The following LDLRAD4 variants were observed in gnomAD, a reference collection of about 807,000 sequenced individuals.
LDLRAD4 encodes low density lipoprotein receptor class A domain containing 4.
Under a neutral mutation model 17.0 loss-of-function variants are expected in LDLRAD4, and 5 were observed. That is an observed-to-expected ratio of 0.29 (90% CI 0.15 to 0.62). The LOEUF (loss-of-function observed/expected upper bound fraction) is 0.62, where lower values mean the gene tolerates loss of function less well. Ranked by LOEUF, LDLRAD4 falls within the 20% of genes least tolerant of loss-of-function variation. LDLRAD4 has a pLI of 0.84. For synonymous variants in LDLRAD4, 168 were observed against 171.8 expected (o/e 0.98, Z 0.17); for missense variants, 340 against 424.7 (o/e 0.80, Z 1.75).
In LDLRAD4 at chr18:13,223,647, G is replaced by A. The variant is rs141036528; in HGVS notation, c.-467+4659G>A. On this transcript the variant is annotated intron_variant, in intron 1 of 5. Coordinates refer to the LDLRAD4 transcript ENST00000399848. ...GCTGTAGGAGGCCAGGCTGCTTTCCGAAGGGCTCCCTGACCTCTAACCAGG... is the reference window on the plus strand; with the variant it reads ...GCTGTAGGAGGCCAGGCTGCTTTCCAAAGGGCTCCCTGACCTCTAACCAGG... Among the ~76,000 whole-genome samples the A allele has an allele frequency of 4.4e-3, 669 of 152,296 alleles. 4 individuals are homozygous for A. The highest frequency in any genetic ancestry group is 0.015 in the African/African-American group (621 of 41,556).
At chr18:13,226,030 A>G (rs1413468526) in intron 1 of LDLRAD4, among the ~76,000 whole-genome samples, 1 of 151,810 alleles carries the variant, frequency 6.6e-6, no homozygotes, top group Non-Finnish European at 1.5e-5. Context: ...TTGATAATTT[A>G]AAAAAATGGA....
chr18:13,224,171 TG>T, intron 1 of LDLRAD4, among the ~76,000 whole-genome samples: 1 of 152,350 alleles, frequency 6.6e-6, no homozygotes, highest in African/African-American at 2.4e-5. Flanking sequence ...CACTGGACCA[TG>T]GCAGCTTTGT....
At chr18:13,276,716 C>G (rs1002167346), upstream of LDLRAD4, among the ~76,000 whole-genome samples, 21 of 152,174 alleles carry the variant, frequency 1.4e-4, no homozygotes, top group Non-Finnish European at 2.8e-4. Flanking sequence ...TCTGTCACTC[C>G]CTCGTTGCGG....
chr18:13,621,282 T>C lies in LDLRAD4; in HGVS notation c.336+11T>C. 2 of 1,606,600 alleles carry C rather than the reference T, an allele frequency of 1.2e-6. No homozygotes were observed. The highest frequency in any genetic ancestry group is 1.7e-6 in the Non-Finnish European group (2 of 1,176,598). Reference sequence around the variant, plus strand: ...GACGGGCTGCCGCAGGTGAGTACCCTGGCCGCCCCGGCTCCAGAGTCAGGC... The same window carrying C: ...GACGGGCTGCCGCAGGTGAGTACCCCGGCCGCCCCGGCTCCAGAGTCAGGC... On this transcript the variant is annotated intron_variant, in intron 4 of 5. Transcript: ENST00000359446. The surrounding 1 kb of genome is among the most constrained non-coding windows in gnomAD (Gnocchi z 5.5).
chr18:13,539,978 G>A (rs1043537946), intron 3 of LDLRAD4, among the ~76,000 whole-genome samples: 6 of 152,188 alleles, frequency 3.9e-5, no homozygotes, highest in South Asian at 2.1e-4. Flanking sequence ...CAGCCCACAG[G>A]CAAAGTCCTG....
chr18:13,509,206 C>T (rs2093740540), intron 3 of LDLRAD4, among the ~76,000 whole-genome samples: 1 of 152,180 alleles, frequency 6.6e-6, no homozygotes, highest in South Asian at 2.1e-4. Context: ...GCCAGCTGCT[C>T]AGGAGGCTGA....
At position 13,475,016 on chromosome 18, in the gene LDLRAD4, C is replaced by G. The variant is rs1309659399; in HGVS notation, c.181+36632C>G. Among the ~76,000 whole-genome samples the G allele has an allele frequency of 2.6e-5, 4 of 152,252 alleles. No individual in the cohort carries two copies. In the East Asian group the frequency reaches 7.7e-4, roughly 29 times the overall value. On this transcript the variant is annotated intron_variant, in intron 3 of 5. Transcript: ENST00000359446. ...AGTTTGGGGCCTGAGGGTGCTTGCC[C>G]TGGGTCTGGGGTGGCTCCTCTTGAT...
Position 13,268,950 on chromosome 18 carries a change from C to T in LDLRAD4, c.-466-9155C>T, listed in dbSNP as rs190260882. 3.5e-3 allele frequency among the ~76,000 whole-genome samples: 537 copies of T among 152,248 alleles called. 15 individuals carry two copies. Among genetic ancestry groups the T allele is most frequent in the Admixed American group, 0.031 (481 of 15,286 alleles). ...GATTTCTTGTCTTCCAACTTTTTACCCTGCATTCTGAATAAATTGGACCAT... is the reference window on the plus strand; with the variant it reads ...GATTTCTTGTCTTCCAACTTTTTACTCTGCATTCTGAATAAATTGGACCAT... On this transcript the variant is annotated intron_variant, in intron 1 of 5. Coordinates refer to the LDLRAD4 transcript ENST00000399848.
Position 13,502,747 on chromosome 18 carries a change from T to A in LDLRAD4, c.181+64363T>A, listed in dbSNP as rs1026020038. ...ACGGGCCACACCCATGGACGTGATC[T>A]GTCTATGAAACAGGTCTTCTCAGTG... On this transcript the variant is annotated intron_variant, in intron 3 of 5. Coordinates refer to ENST00000359446, the Ensembl canonical transcript of LDLRAD4. 4.6e-5 allele frequency among the ~76,000 whole-genome samples: 7 copies of A among 152,206 alleles called. No homozygotes were observed. The South Asian group carries it at 6.2e-4, about 14-fold the overall frequency.
At chr18:13,437,615 C>G (rs1353951005) in intron 2 of LDLRAD4, among the ~76,000 whole-genome samples, 1 of 152,186 alleles carries the variant, frequency 6.6e-6, no homozygotes, top group Admixed American at 6.5e-5. Flanking sequence ...CAGCATGGCC[C>G]TTTAGCAGAA....
Position 13,359,440 on chromosome 18 carries a change from A to G in LDLRAD4, c.-382-27901A>G, listed in dbSNP as rs145371099. Among the ~76,000 whole-genome samples the G allele has an allele frequency of 3.2e-3, 492 of 152,194 alleles. 2 individuals are homozygous for G. The highest frequency in any genetic ancestry group is 5.2e-3 in the Admixed American group (80 of 15,294). On this transcript the variant is annotated intron_variant, in intron 1 of 5. Coordinates refer to ENST00000359446, the Ensembl canonical transcript of LDLRAD4. ...TCAGAAGGTGGTTTCTAACAGCAGGACTTGCCCAACAATGGAATGGGCTGC... is the reference window on the plus strand; with the variant it reads ...TCAGAAGGTGGTTTCTAACAGCAGGGCTTGCCCAACAATGGAATGGGCTGC...
At chr18:13,372,961 T>A (rs2084629782) in intron 1 of LDLRAD4, among the ~76,000 whole-genome samples, 1 of 152,254 alleles carries the variant, frequency 6.6e-6, no homozygotes, top group Non-Finnish European at 1.5e-5. Flanking sequence ...TGCGTCTTCA[T>A]GTAAACTCAA....
Position 13,440,917 on chromosome 18 carries a change from C to G in LDLRAD4, c.181+2533C>G, listed in dbSNP as rs547848036. Among the ~76,000 whole-genome samples the G allele has an allele frequency of 1.1e-4, 16 of 152,280 alleles. No individual in the cohort carries two copies. The highest frequency in any genetic ancestry group is 2.6e-4 in the African/African-American group (11 of 41,570). On this transcript the variant is annotated intron_variant, in intron 3 of 5. Transcript: ENST00000359446. This position sits in a 1 kb window ranked among gnomAD's most constrained non-coding sequence, Gnocchi z 4.4. ...CCTGGATGATTCTCCCTATTCTGTCCCCTGGGGAAGGCTGCCACCTGGCCT... is the reference window on the plus strand; with the variant it reads ...CCTGGATGATTCTCCCTATTCTGTCGCCTGGGGAAGGCTGCCACCTGGCCT...
intron 3 of LDLRAD4, among the ~76,000 whole-genome samples, chr18:13,442,804 G>A (rs948566530): frequency 2.6e-5 from 4 of 152,206 alleles, no homozygotes; most frequent in African/African-American, 4.8e-5. Flanking sequence ...CAAGTGCCAC[G>A]CCCTCCGAAA....
intron 1 of LDLRAD4, among the ~76,000 whole-genome samples, chr18:13,253,628 TG>T (rs890737554): frequency 6.6e-6 from 1 of 151,872 alleles, no homozygotes; most frequent in Admixed American, 6.6e-5. Context: ...GCAAATGAAG[TG>T]GGGGGAGGAA....
At chr18:13,270,768 C>T (rs1423035567) in intron 1 of LDLRAD4, among the ~76,000 whole-genome samples, 4 of 152,106 alleles carry the variant, frequency 2.6e-5, no homozygotes, top group Non-Finnish European at 5.9e-5. Context: ...AGACCACAGC[C>T]AGCACTAAAG....
intron 3 of LDLRAD4, among the ~76,000 whole-genome samples, chr18:13,442,759 C>G (rs1162734179): frequency 6.6e-6 from 1 of 152,190 alleles, no homozygotes; most frequent in Non-Finnish European, 1.5e-5. Context: ...CTTCGACCGT[C>G]CAGAAGCGAT....
intron 1 of LDLRAD4, among the ~76,000 whole-genome samples, chr18:13,368,806 A>G (rs893305540): frequency 4.6e-5 from 7 of 152,194 alleles, no homozygotes; most frequent in South Asian, 2.1e-4. Context: ...TCCTTCTTCC[A>G]TACACTTTGG....
intron 3 of LDLRAD4, among the ~76,000 whole-genome samples, chr18:13,445,380 G>C (rs1479930783): frequency 1.3e-5 from 2 of 151,816 alleles, no homozygotes; most frequent in Non-Finnish European, 2.9e-5. Context: ...TGTGAGTCTG[G>C]TGTGTGCATG....
Sources: allele counts gnomAD v4.1 joint callset (sites outside exome capture counted in the v4.1 genomes callset), GRCh38; gene constraint gnomAD v4.1.1; non-coding constraint Gnocchi (gnomAD v3.1); transcripts MANE v1.5; gene names NCBI Gene and HGNC (gene_info 2026-07-23, HGNC 2026-07-21).